NTPCR: variants seen among roughly 807,000 people sequenced by gnomAD.
The protein encoded by NTPCR is cancer-related nucleoside-triphosphatase.
NTPCR carries 15 observed loss-of-function variants against 19.5 expected under a neutral mutation model. The observed-to-expected ratio is 0.77, with a 90% CI of 0.51 to 1.18. The LOEUF is 1.18. Among genes scored for constraint, NTPCR ranks in the 50% most tolerant of loss-of-function variants. The probability of loss-of-function intolerance (pLI) is 0.00; values close to 1 mark genes in which losing one functional copy is unlikely to be tolerated. For synonymous variants in NTPCR, 90 were observed against 95.8 expected (o/e 0.94, Z 0.36); for missense variants, 206 against 240.4 (o/e 0.86, Z 0.95).
chr1:232,972,534 C>T (rs1571967276), intron 4 of NTPCR, among the ~76,000 whole-genome samples: 2 of 152,274 alleles, frequency 1.3e-5, no homozygotes, highest in Admixed American at 1.3e-4. Flanking sequence ...TGAAGCCATC[C>T]TCCACCTCAG....
chr1:232,950,681 T>A lies in NTPCR; in HGVS notation c.-30T>A. On this transcript the variant is annotated 5_prime_UTR_variant, in exon 1 of 5. Transcript: ENST00000366628. ...GCGACCCCAACCTGGACTGCTCCCC[T>A]GACCGCAACCCCTACCCCCGCCCAC... The A allele has an allele frequency of 6.2e-7, 1 of 1,601,230 alleles. No homozygotes were observed. Among genetic ancestry groups the A allele is most frequent in the South Asian group, 1.1e-5 (1 of 90,688 alleles).
intron 1 of NTPCR, among the ~76,000 whole-genome samples, chr1:232,953,656 A>T (rs1668434959): frequency 6.6e-6 from 1 of 152,228 alleles, no homozygotes; most frequent in Non-Finnish European, 1.5e-5. Flanking sequence ...ATCACAGGGA[A>T]TTTGAACATC....
At chr1:232,964,294 G>A (rs1051917310) in intron 3 of NTPCR, 5 of 152,190 alleles carry the variant, frequency 3.3e-5, no homozygotes, top group Admixed American at 6.5e-5. Context: ...TACTCCATAA[G>A]TCATAAGTGA....
At chr1:232,973,474 T>C (rs546707742) in intron 4 of NTPCR, among the ~76,000 whole-genome samples, 1 of 152,252 alleles carries the variant, frequency 6.6e-6, no homozygotes, top group African/African-American at 2.4e-5. Context: ...ACAGACTGGC[T>C]AGGAACCTAA....
chr1:232,955,286 G>A (rs756861895), intron 1 of NTPCR, among the ~76,000 whole-genome samples: 35 of 152,162 alleles, frequency 2.3e-4, no homozygotes, highest in Non-Finnish European at 4.3e-4. Context: ...GATTGTGTAC[G>A]TGACAAAATT....
At chr1:232,962,211 T>TG (rs1668684861) in intron 3 of NTPCR, 1 of 152,164 alleles carries the variant, frequency 6.6e-6, no homozygotes, top group African/African-American at 2.4e-5. Context: ...GTGGTAGAGC[T>TG]GGAGTGAACT....
chr1:232,958,638 C>G (rs939442040), intron 3 of NTPCR, among the ~76,000 whole-genome samples: 2 of 152,228 alleles, frequency 1.3e-5, no homozygotes, highest in Non-Finnish European at 2.9e-5. Context: ...TCCCCAATTC[C>G]TTCCTCTTGG....
intron 1 of NTPCR, among the ~76,000 whole-genome samples, chr1:232,954,119 A>G (rs751265076): frequency 3.3e-5 from 5 of 152,234 alleles, no homozygotes; most frequent in South Asian, 2.1e-4. Flanking sequence ...ACATTCGGCA[A>G]TGCCATTACT....
At chr1:232,977,177 G>C (rs113812871) in intron 4 of NTPCR, 2 of 152,240 alleles carry the variant, frequency 1.3e-5, no homozygotes, top group Non-Finnish European at 2.9e-5. Flanking sequence ...TTCACCTGTC[G>C]AAATTACATC....
At chr1:232,964,817 A>G (rs1668767791) in intron 3 of NTPCR, 2 of 152,246 alleles carry the variant, frequency 1.3e-5, no homozygotes, top group Admixed American at 6.5e-5. Context: ...TGAAAACGGT[A>G]TCAGGTATCA....
intron 3 of NTPCR, among the ~76,000 whole-genome samples, chr1:232,956,770 A>G (rs1381384058): frequency 1.3e-5 from 2 of 152,226 alleles, no homozygotes; most frequent in Non-Finnish European, 2.9e-5. Context: ...ACATTTAGGA[A>G]GAGAAAATGT....
intron 3 of NTPCR, chr1:232,963,342 CT>C (rs1668718468): frequency 6.6e-6 from 1 of 152,180 alleles, no homozygotes; most frequent in Admixed American, 6.5e-5. Flanking sequence ...TTTATTATTT[CT>C]GATTGTTGGC....
chr1:232,956,449 T>C lies in NTPCR; in HGVS notation c.294+6T>C, dbSNP rs1668515693. On this transcript the variant is annotated splice_donor_region_variant and intron_variant, in intron 3 of 4. Transcript: ENST00000366628. ...CACTACCCGTCTTGAGGAATGTGAG[T>C]ACGTGATTTCTGCTTTTTGAACCCA... 2 of 1,596,264 alleles carry C rather than the reference T, an allele frequency of 1.3e-6. No homozygotes were observed. Among genetic ancestry groups the C allele is most frequent in the East Asian group, 4.5e-5 (2 of 44,790 alleles).
intron 4 of NTPCR, among the ~76,000 whole-genome samples, chr1:232,973,083 C>T (rs537419445): frequency 1.3e-5 from 2 of 152,284 alleles, no homozygotes; most frequent in South Asian, 2.1e-4. Context: ...TCAGAGTCAG[C>T]GTCCCCTTGC....
chr1:232,963,398 T>C (rs1305530869), intron 3 of NTPCR: 2 of 152,220 alleles, frequency 1.3e-5, no homozygotes, highest in Non-Finnish European at 2.9e-5. Flanking sequence ...TGCCCTGGGT[T>C]ATGACACCTT....
intron 4 of NTPCR, chr1:232,976,654 C>A: frequency 1.5e-6 from 2 of 1,353,168 alleles, no homozygotes; most frequent in Non-Finnish European, 9.7e-7. Flanking sequence ...GAGCCACAGC[C>A]GCCCAGGATT....
chr1:232,969,740 C>T (rs1180398006), intron 3 of NTPCR, 169 bp from the exon 4 acceptor site: 1 of 574,610 alleles, frequency 1.7e-6, no homozygotes, highest in African/African-American at 1.9e-5. Context: ...TGTGCAGTCC[C>T]CTCCCACACA....
chr1:232,952,112 T>C lies in NTPCR; in HGVS notation c.34+1368T>C, dbSNP rs977518142. Among the ~76,000 whole-genome samples, 7 of 152,234 alleles carry C rather than the reference T, an allele frequency of 4.6e-5. No individual in the cohort carries two copies. The East Asian group carries it at 1.3e-3, about 29-fold the overall frequency. ...GTCTTTTCTCCTTCTCTTCTTAATG[T>C]AGTTACAGCGTAATTTTCATTAGTC... On this transcript the variant is annotated intron_variant, in intron 1 of 4. Transcript: ENST00000366628.
rs149960214 is a variant in NTPCR, at chr1:232,969,453, C to T, written c.295-456C>T. 421 of 157,462 alleles carry T rather than the reference C, an allele frequency of 2.7e-3. 3 individuals are homozygous for T. Among genetic ancestry groups the T allele is most frequent in the African/African-American group, 9.7e-3 (403 of 41,568 alleles). The allele number at this position is 157,462 out of a possible 1,614,324, so 9.8% of individuals were successfully genotyped here. A position where few individuals can be genotyped will look rare whatever the true frequency, so the allele number is the denominator to read the frequency against. Reference sequence around the variant, plus strand: ...ATTTTGAGCCATATGAGATTCCCTACGTGCTGGGGGGGAGATAACTGCTCT... The same window carrying T: ...ATTTTGAGCCATATGAGATTCCCTATGTGCTGGGGGGGAGATAACTGCTCT... On this transcript the variant is annotated intron_variant, in intron 3 of 4. Transcript: ENST00000366628.
Sources: allele counts gnomAD v4.1 joint callset (sites outside exome capture counted in the v4.1 genomes callset), GRCh38; gene constraint gnomAD v4.1.1; transcripts MANE v1.5; gene names NCBI Gene and HGNC (gene_info 2026-07-23, HGNC 2026-07-21).